The following HERC4 variants were observed in gnomAD, a reference collection of about 807,000 sequenced individuals.
The protein encoded by HERC4 is probable E3 ubiquitin-protein ligase HERC4.
HERC4 carries 28 observed loss-of-function variants against 124.3 expected under a neutral mutation model. The ratio of observed to expected loss-of-function variants is 0.23; its 90% CI spans 0.17 to 0.31. The LOEUF (loss-of-function observed/expected upper bound fraction) is 0.31, where lower values mean the gene tolerates loss of function less well. HERC4 is among the 10% of genes least tolerant of loss of function. The probability of loss-of-function intolerance (pLI) is 1.00; values close to 1 mark genes in which losing one functional copy is unlikely to be tolerated. For missense variants in HERC4, 713 were observed against 1,229.3 expected, an observed-to-expected ratio of 0.58 and a Z score of 6.28; for synonymous variants, 407 against 421.5, an observed-to-expected ratio of 0.97 and a Z score of 0.42.
At chr10:68,008,774 C>A (rs1293647515) in intron 9 of HERC4, among the ~76,000 whole-genome samples, 1 of 152,046 alleles carries the variant, frequency 6.6e-6, no homozygotes, top group Non-Finnish European at 1.5e-5. Flanking sequence ...TAGAAACAAC[C>A]CAATCGTCCA....
At chr10:68,010,547 G>A (rs1418255939) in intron 9 of HERC4, 2 of 999,388 alleles carry the variant, frequency 2.0e-6, no homozygotes, top group Non-Finnish European at 3.1e-6. Flanking sequence ...GGCGCTGCAG[G>A]AACACATTCT....
At chr10:67,992,716 A>ATTT in intron 9 of HERC4, 34 bp from the exon 10 acceptor site, 1 of 1,077,396 alleles carries the variant, frequency 9.3e-7, no homozygotes, top group South Asian at 1.4e-5. Context: ...AAAAGCCAAG[A>ATTT]TTTACATAAC....
chr10:67,995,225 T>C (rs1056111972), intron 9 of HERC4: 22 of 454,950 alleles, frequency 4.8e-5, no homozygotes, highest in Non-Finnish European at 9.7e-5. Context: ...AGGAAACACA[T>C]AATTCCTTTG....
At chr10:67,997,609 C>T (rs2036967948) in intron 9 of HERC4, among the ~76,000 whole-genome samples, 1 of 152,080 alleles carries the variant, frequency 6.6e-6, no homozygotes, top group African/African-American at 2.4e-5. Context: ...ACCCTGAGTA[C>T]CTCAGAATGT....
chr10:68,071,145 T>C (rs185472999), intron 3 of HERC4, among the ~76,000 whole-genome samples: 157 of 152,356 alleles, frequency 1.0e-3, no homozygotes, highest in South Asian at 4.1e-3. Context: ...GGAAACCCAC[T>C]GCCCCAACTT....
At position 67,954,579 on chromosome 10, in the gene HERC4, T is replaced by C. The variant is rs2034018381; in HGVS notation, c.2337+16A>G. ...GGTATATACACAGAAGTAATTTAGA[T>C]GGTTGGACATTTTACCTTATCAGAA... On this transcript the variant is annotated intron_variant, in intron 19 of 24. Transcript: ENST00000373700. The C allele has an allele frequency of 6.2e-7, 1 of 1,607,316 alleles. No homozygotes were observed. The highest frequency in any genetic ancestry group is 8.5e-7 in the Non-Finnish European group (1 of 1,175,602).
chr10:68,024,527 T>C (rs2038801905), intron 8 of HERC4, among the ~76,000 whole-genome samples: 1 of 152,144 alleles, frequency 6.6e-6, no homozygotes, highest in Non-Finnish European at 1.5e-5. Flanking sequence ...GAGTATATTA[T>C]ATATGTATAA....
chr10:67,997,835 G>A (rs768577749), intron 9 of HERC4, among the ~76,000 whole-genome samples: 1 of 152,040 alleles, frequency 6.6e-6, no homozygotes, highest in Non-Finnish European at 1.5e-5. Flanking sequence ...AAACATAGTC[G>A]GCCCTCTGTA....
At chr10:67,953,063 T>C (rs2033911104) in intron 19 of HERC4, among the ~76,000 whole-genome samples, 1 of 152,076 alleles carries the variant, frequency 6.6e-6, no homozygotes, top group South Asian at 2.1e-4. Flanking sequence ...CATATATATA[T>C]ATATTTAAAG....
In HERC4 at chr10:68,073,042, G is replaced by A; in HGVS notation, c.67C>T (p.Leu23=). Residue 23 remains leucine, a synonymous_variant, in exon 3 of 25, where the codon CTA becomes TTA. Coordinates refer to ENST00000373700, the MANE Select transcript of HERC4 (RefSeq NM_015601.4). ...GLGGIDEEIV[L]EPRKSDFFIN... ...AAGAAGTCACTTTTTCTGGGCTCTA[G>A]TACAATTTCTTCATCAATTCCACCC... 6.2e-7 allele frequency: 1 copy of A among 1,613,912 alleles called. No individual in the cohort carries two copies. The highest frequency in any genetic ancestry group is 8.5e-7 in the Non-Finnish European group (1 of 1,179,928).
At chr10:68,030,374 G>C (rs1251364105) in intron 7 of HERC4, among the ~76,000 whole-genome samples, 1 of 152,158 alleles carries the variant, frequency 6.6e-6, no homozygotes, top group East Asian at 1.9e-4. Flanking sequence ...CTGGGAGGCA[G>C]AGGTTGCAGT....
intron 3 of HERC4, among the ~76,000 whole-genome samples, chr10:68,059,843 T>A (rs530552112): frequency 3.8e-5 from 1 of 26,310 alleles, no homozygotes; most frequent in African/African-American, 4.3e-4. Flanking sequence ...TATATTATAA[T>A]ATATTATATA....
At chr10:67,990,672 A>G (rs1264315152) in intron 13 of HERC4, among the ~76,000 whole-genome samples, 1 of 152,128 alleles carries the variant, frequency 6.6e-6, no homozygotes, top group Non-Finnish European at 1.5e-5. Flanking sequence ...ATAACCATAC[A>G]CAAACTTAAG....
chr10:68,074,385 G>A (rs1299597649), intron 1 of HERC4, among the ~76,000 whole-genome samples: 3 of 152,100 alleles, frequency 2.0e-5, no homozygotes, highest in Non-Finnish European at 2.9e-5. Flanking sequence ...ACAGAAGTTT[G>A]ATTTCATTCT....
At chr10:68,003,218 T>A (rs2037336184) in intron 9 of HERC4, among the ~76,000 whole-genome samples, 1 of 151,708 alleles carries the variant, frequency 6.6e-6, no homozygotes. Context: ...GTGCAGTGGC[T>A]CACTTGGCTC....
rs781259493 is a variant in HERC4, at chr10:68,014,060, C to T, written c.1035G>A (p.Trp345Ter). 6.2e-7 allele frequency: 1 copy of T among 1,612,980 alleles called. No homozygotes were observed. The highest frequency in any genetic ancestry group is 8.5e-7 in the Non-Finnish European group (1 of 1,179,518). The change falls in exon 9 of 25, where the codon TGG becomes TGA. Residue 345 changes from tryptophan (W) to a stop codon, truncating the protein, a stop_gained. Coordinates refer to ENST00000373700, the MANE Select transcript of HERC4 (RefSeq NM_015601.4). LOFTEE classifies it high-confidence loss of function. ...GTAGACACTGCCCATTATAGGGGTACCAATTTCCTTTTACAGTAAAGGGGC... is the reference window on the plus strand; with the variant it reads ...GTAGACACTGCCCATTATAGGGGTATCAATTTCCTTTTACAGTAAAGGGGC... ...RKSPFTVKGN[W>*]YPYNGQCLPD...
Position 67,990,329 on chromosome 10 carries a change from C to T in HERC4, c.1515G>A (p.Arg505=). 1 of 1,612,216 alleles carries T rather than the reference C, an allele frequency of 6.2e-7. No individual in the cohort carries two copies. The highest frequency in any genetic ancestry group is 8.5e-7 in the Non-Finnish European group (1 of 1,179,032). ...TSSLPDVEAL[R]FYLTLPECPL... The stretch of plus-strand genomic sequence containing the variant: ...GACATTCTGGTAGAGTAAGATAAAA[C>T]CTCAATGCTTCAACATCAGGTAAGG... Residue 505 remains arginine, a synonymous_variant, in exon 14 of 25, where the codon AGG becomes AGA. Coordinates refer to ENST00000373700, the MANE Select transcript of HERC4 (RefSeq NM_015601.4).
At chr10:68,071,578 G>A (rs2041577296) in intron 3 of HERC4, among the ~76,000 whole-genome samples, 1 of 152,088 alleles carries the variant, frequency 6.6e-6, no homozygotes, top group East Asian at 1.9e-4. Flanking sequence ...AAATAGTAAA[G>A]GGCCCATTTG....
At position 67,947,160 on chromosome 10, in the gene HERC4, C is replaced by T. The variant is rs560580669; in HGVS notation, c.2338-6055G>A. On this transcript the variant is annotated intron_variant, in intron 19 of 24. Coordinates refer to ENST00000373700, the MANE Select transcript of HERC4 (RefSeq NM_015601.4). Reference sequence around the variant, plus strand: ...ATTTATAGGACATTTCATCCAGCAGCTGAAGAATACACATTGTTCTCTACA... The same window carrying T: ...ATTTATAGGACATTTCATCCAGCAGTTGAAGAATACACATTGTTCTCTACA... Among the ~76,000 whole-genome samples the T allele has an allele frequency of 6.3e-4, 96 of 152,178 alleles. 1 individual carries two copies. Among genetic ancestry groups the T allele is most frequent in the Non-Finnish European group, 1.2e-3 (83 of 68,036 alleles).
Sources: allele counts gnomAD v4.1 joint callset (sites outside exome capture counted in the v4.1 genomes callset), GRCh38; gene constraint gnomAD v4.1.1; transcripts MANE v1.5; gene names NCBI Gene and HGNC (gene_info 2026-07-23, HGNC 2026-07-21).